The following ADAMTSL1 variants were observed in gnomAD, a reference collection of about 807,000 sequenced individuals.
The protein encoded by ADAMTSL1 is ADAMTS like 1, also known as ADAMTS-like protein 1.
In ADAMTSL1, 126 loss-of-function variants were observed where a neutral mutation model predicts 201.8. The observed-to-expected ratio is 0.62, with a 90% CI of 0.54 to 0.72. The LOEUF (loss-of-function observed/expected upper bound fraction) is 0.72, where lower values mean the gene tolerates loss of function less well. ADAMTSL1 is among the 30% of genes least tolerant of loss of function. The pLI is 0.00. For missense variants in ADAMTSL1, 2,679 were observed against 2,277.8 expected, an observed-to-expected ratio of 1.18 and a Z score of -3.59; for synonymous variants, 1,121 against 903.4, an observed-to-expected ratio of 1.24 and a Z score of -4.32.
At chr9:18,544,885 G>A (rs1820381483) in intron 3 of ADAMTSL1, among the ~76,000 whole-genome samples, 1 of 152,158 alleles carries the variant, frequency 6.6e-6, no homozygotes, top group African/African-American at 2.4e-5. Flanking sequence ...TCATTCAACA[G>A]CTCAACTTTC....
At chr9:18,060,511 C>G (rs1822401182) in intron 1 of ADAMTSL1, among the ~76,000 whole-genome samples, 1 of 152,112 alleles carries the variant, frequency 6.6e-6, no homozygotes, top group South Asian at 2.1e-4. Flanking sequence ...TTGGGCAAGA[C>G]TAAACATAAA....
intron 21 of ADAMTSL1, among the ~76,000 whole-genome samples, chr9:18,824,552 G>A (rs1351941453): frequency 6.6e-6 from 1 of 152,168 alleles, no homozygotes; most frequent in Non-Finnish European, 1.5e-5. Context: ...CTCAACAGAA[G>A]GCTAGCCATT....
At chr9:18,088,159 T>C (rs1823851086) in intron 1 of ADAMTSL1, among the ~76,000 whole-genome samples, 1 of 152,214 alleles carries the variant, frequency 6.6e-6, no homozygotes, top group African/African-American at 2.4e-5. Context: ...AAGGATAGTC[T>C]CTTCAACAAA....
At chr9:18,617,510 G>A (rs1825769157) in intron 4 of ADAMTSL1, among the ~76,000 whole-genome samples, 1 of 151,410 alleles carries the variant, frequency 6.6e-6, no homozygotes, top group Non-Finnish European at 1.5e-5. Flanking sequence ...CAGGGGGGAG[G>A]GGGCTGGGTC....
chr9:17,942,650 A>C (rs1827288618), intron 1 of ADAMTSL1, among the ~76,000 whole-genome samples: 2 of 152,078 alleles, frequency 1.3e-5, no homozygotes, highest in Admixed American at 1.3e-4. Flanking sequence ...GTCACCCCTT[A>C]CACATGCTCT....
intron 2 of ADAMTSL1, among the ~76,000 whole-genome samples, chr9:18,332,200 T>C (rs991016848): frequency 6.6e-6 from 1 of 152,194 alleles, no homozygotes; most frequent in African/African-American, 2.4e-5. Flanking sequence ...ATACTCTTCA[T>C]TGGATCTTGT....
intron 2 of ADAMTSL1, among the ~76,000 whole-genome samples, chr9:18,358,212 G>T (rs1420111668): frequency 1.3e-5 from 2 of 152,128 alleles, no homozygotes; most frequent in African/African-American, 2.4e-5. Flanking sequence ...CTGGAATAAG[G>T]GAGAGCTTAA....
chr9:18,746,303 G>A (rs193151479), intron 15 of ADAMTSL1, among the ~76,000 whole-genome samples: 13 of 152,188 alleles, frequency 8.5e-5, no homozygotes, highest in Non-Finnish European at 1.6e-4. Flanking sequence ...ATGCATCCTA[G>A]ACCCTGTACG....
intron 1 of ADAMTSL1, among the ~76,000 whole-genome samples, chr9:18,016,235 G>C (rs752441465): frequency 1.8e-4 from 27 of 152,010 alleles, no homozygotes; most frequent in African/African-American, 6.5e-4. Context: ...TAGGACTCAA[G>C]TATCTGTGAA....
At chr9:18,064,824 C>T (rs1170150206) in intron 1 of ADAMTSL1, among the ~76,000 whole-genome samples, 1 of 151,336 alleles carries the variant, frequency 6.6e-6, no homozygotes, top group Admixed American at 6.6e-5. Flanking sequence ...ATTACATATG[C>T]TAATATTTTC....
intron 2 of ADAMTSL1, among the ~76,000 whole-genome samples, chr9:18,426,883 AT>A (rs1000915795): frequency 1.2e-4 from 18 of 152,244 alleles, no homozygotes; most frequent in Middle Eastern, 3.4e-3. Context: ...TTATCACTTT[AT>A]TTTTTTCAAT....
intron 2 of ADAMTSL1, among the ~76,000 whole-genome samples, chr9:18,379,767 A>T (rs1455548556): frequency 6.6e-6 from 1 of 152,238 alleles, no homozygotes; most frequent in Admixed American, 6.5e-5. Flanking sequence ...AAACTATGTC[A>T]TAGAACAAAA....
intron 2 of ADAMTSL1, among the ~76,000 whole-genome samples, chr9:18,529,613 A>C (rs1053581762): frequency 1.3e-5 from 2 of 152,210 alleles, no homozygotes; most frequent in African/African-American, 4.8e-5. Flanking sequence ...TATAGTAGGC[A>C]CTGAATAAAT....
intron 2 of ADAMTSL1, among the ~76,000 whole-genome samples, chr9:18,527,285 C>CT (rs1819139378): frequency 6.6e-6 from 1 of 152,144 alleles, no homozygotes; most frequent in Non-Finnish European, 1.5e-5. Context: ...AGAGATAAAG[C>CT]CTGGGGTGCC....
intron 1 of ADAMTSL1, among the ~76,000 whole-genome samples, chr9:17,967,964 T>C (rs1422641697): frequency 6.6e-6 from 1 of 152,144 alleles, no homozygotes; most frequent in Non-Finnish European, 1.5e-5. Context: ...TGACCACTTG[T>C]GAACTGTTCC....
chr9:18,441,868 TTAAC>T (rs1820007745), intron 2 of ADAMTSL1, among the ~76,000 whole-genome samples: 1 of 152,218 alleles, frequency 6.6e-6, no homozygotes, highest in African/African-American at 2.4e-5. Context: ...AGTTCAATTT[TTAAC>T]TAAGTTTTGG....
intron 5 of ADAMTSL1, among the ~76,000 whole-genome samples, chr9:18,625,689 A>G (rs1826318075): frequency 6.6e-6 from 1 of 152,086 alleles, no homozygotes; most frequent in African/African-American, 2.4e-5. Context: ...TATGTTCTAT[A>G]TTTTCCAAGT....
chr9:18,670,257 G>T (rs1003477146), intron 9 of ADAMTSL1, among the ~76,000 whole-genome samples: 3 of 152,184 alleles, frequency 2.0e-5, no homozygotes, highest in African/African-American at 4.8e-5. Flanking sequence ...ACTGTCCAGG[G>T]CAGGTTGAGT....
At chr9:18,253,233 A>G (rs1261129135) in intron 2 of ADAMTSL1, among the ~76,000 whole-genome samples, 1 of 152,178 alleles carries the variant, frequency 6.6e-6, no homozygotes, top group Non-Finnish European at 1.5e-5. Context: ...GTATGGGTAT[A>G]CATAAAGTGG....
Sources: gnomAD v4.1 joint callset for allele counts (sites outside exome capture counted in the v4.1 genomes callset) on GRCh38, gnomAD v4.1.1 for gene constraint, MANE v1.5 for transcripts, NCBI Gene and HGNC (gene_info 2026-07-23, HGNC 2026-07-21) for gene names.